The following HMGCLL1 variants were observed in gnomAD, a reference collection of about 807,000 sequenced individuals.
HMGCLL1 encodes the protein 3-hydroxy-3-methylglutaryl-CoA lyase like 1.
HMGCLL1 carries 36 observed loss-of-function variants against 39.1 expected under a neutral mutation model. The observed-to-expected ratio is 0.92, with a 90% CI of 0.71 to 1.22. The LOEUF is 1.22. HMGCLL1 is among the 50% of genes most tolerant of loss of function. The probability of loss-of-function intolerance (pLI) is 0.00; values close to 1 mark genes in which losing one functional copy is unlikely to be tolerated. For synonymous variants in HMGCLL1, 149 were observed against 144.0 expected, an observed-to-expected ratio of 1.03 and a Z score of -0.25; for missense variants, 451 against 416.5, an observed-to-expected ratio of 1.08 and a Z score of -0.72.
chr6:55,571,509 T>C (rs1423127782), intron 1 of HMGCLL1, among the ~76,000 whole-genome samples: 1 of 152,004 alleles, frequency 6.6e-6, no homozygotes, highest in East Asian at 1.9e-4. Flanking sequence ...AGGATAAACA[T>C]AGTAATAGAT....
intron 7 of HMGCLL1, among the ~76,000 whole-genome samples, chr6:55,453,323 C>A (rs1295047958): frequency 2.0e-5 from 3 of 152,166 alleles, no homozygotes; most frequent in Non-Finnish European, 4.4e-5. Flanking sequence ...GGACTACAGG[C>A]GCCCGCCACC....
chr6:55,513,861 T>A (rs1767593642), intron 5 of HMGCLL1, 187 bp downstream of exon 5: 1 of 559,562 alleles, frequency 1.8e-6, no homozygotes, highest in African/African-American at 2.0e-5. Flanking sequence ...ACAAGCTAGA[T>A]ACTCACTAAT....
At chr6:55,457,860 A>G (rs1244535808) in intron 7 of HMGCLL1, among the ~76,000 whole-genome samples, 1 of 152,114 alleles carries the variant, frequency 6.6e-6, no homozygotes, top group Non-Finnish European at 1.5e-5. Flanking sequence ...TGGACCAGAA[A>G]TTGAAGCCAG....
chr6:55,627,889 A>AC, the HMGCLL1 span, among the ~76,000 whole-genome samples: 1 of 31,014 alleles, frequency 3.2e-5, no homozygotes, highest in Non-Finnish European at 6.2e-5. Context: ...CCTTATATAT[A>AC]TATATATATA....
the HMGCLL1 span, among the ~76,000 whole-genome samples, chr6:55,675,237 G>C: frequency 2.6e-5 from 4 of 152,106 alleles, no homozygotes; most frequent in Admixed American, 2.6e-4. Flanking sequence ...TTTTATCTTT[G>C]TATACAGGCA....
At chr6:55,539,421 A>G (rs1769219018) in intron 3 of HMGCLL1, among the ~76,000 whole-genome samples, 1 of 152,168 alleles carries the variant, frequency 6.6e-6, no homozygotes, top group Non-Finnish European at 1.5e-5. Context: ...TCACAACAGT[A>G]AAGACGTGTA....
intron 7 of HMGCLL1, among the ~76,000 whole-genome samples, chr6:55,465,395 T>C (rs1170561029): frequency 6.6e-6 from 1 of 152,084 alleles, no homozygotes; most frequent in Admixed American, 6.6e-5. Context: ...AGAATACATA[T>C]TATAGATAAT....
intron 7 of HMGCLL1, among the ~76,000 whole-genome samples, chr6:55,462,758 T>A (rs1223849262): frequency 6.6e-6 from 1 of 152,164 alleles, no homozygotes; most frequent in Admixed American, 6.6e-5. Context: ...AAACTTCTTA[T>A]GTTGTAGGTA....
At chr6:55,657,461 A>C in the HMGCLL1 span, among the ~76,000 whole-genome samples, 1 of 151,910 alleles carries the variant, frequency 6.6e-6, no homozygotes, top group Non-Finnish European at 1.5e-5. Flanking sequence ...TCCTTTCTCC[A>C]TTGCTTGTTT....
chr6:55,453,380 C>T (rs1379477959), intron 7 of HMGCLL1, among the ~76,000 whole-genome samples: 2 of 152,070 alleles, frequency 1.3e-5, no homozygotes, highest in East Asian at 1.9e-4. Flanking sequence ...GGGGTTTCAC[C>T]GCGTTAGCCA....
At chr6:55,669,209 G>A in the HMGCLL1 span, among the ~76,000 whole-genome samples, 1 of 151,588 alleles carries the variant, frequency 6.6e-6, no homozygotes, top group East Asian at 2.0e-4. Context: ...CAAAAGTTTC[G>A]CCAACTGAAT....
At chr6:55,622,349 A>G in the HMGCLL1 span, among the ~76,000 whole-genome samples, 3 of 151,998 alleles carry the variant, frequency 2.0e-5, no homozygotes, top group African/African-American at 7.2e-5. Context: ...TGTGTTCCAG[A>G]TCTTAGAGGA....
At chr6:55,505,129 G>C (rs1286333847) in intron 5 of HMGCLL1, among the ~76,000 whole-genome samples, 8 of 151,598 alleles carry the variant, frequency 5.3e-5, no homozygotes, top group Non-Finnish European at 1.2e-4. Context: ...AAGACGTGAA[G>C]TGTTTCAGTC....
At chr6:55,540,518 A>G (rs372659767) in intron 3 of HMGCLL1, among the ~76,000 whole-genome samples, 73 of 152,164 alleles carry the variant, frequency 4.8e-4, no homozygotes, top group African/African-American at 1.5e-3. Flanking sequence ...GCAAATAAGG[A>G]AGTGGGTGTT....
chr6:55,517,156 T>C (rs1446893135), intron 3 of HMGCLL1, among the ~76,000 whole-genome samples: 1 of 152,092 alleles, frequency 6.6e-6, no homozygotes, highest in Non-Finnish European at 1.5e-5. Context: ...TATCATAGTA[T>C]TACCACGTTT....
chr6:55,528,678 C>T (rs1218522600), intron 3 of HMGCLL1, among the ~76,000 whole-genome samples: 1 of 151,154 alleles, frequency 6.6e-6, no homozygotes, highest in Non-Finnish European at 1.5e-5. Context: ...TCTTGGCTGC[C>T]AAAGCTAAAA....
At chr6:55,642,539 A>C in the HMGCLL1 span, among the ~76,000 whole-genome samples, 1 of 152,148 alleles carries the variant, frequency 6.6e-6, no homozygotes, top group African/African-American at 2.4e-5. Context: ...GCAATGCTTA[A>C]TAATCACATC....
chr6:55,665,077 T>C, the HMGCLL1 span, among the ~76,000 whole-genome samples: 3 of 151,730 alleles, frequency 2.0e-5, no homozygotes, highest in Non-Finnish European at 4.4e-5. Context: ...AGGAGGAGTT[T>C]ATGCAAGAGT....
chr6:55,639,312 C>A, the HMGCLL1 span, among the ~76,000 whole-genome samples: 1 of 151,388 alleles, frequency 6.6e-6, no homozygotes, highest in African/African-American at 2.4e-5. Context: ...ATTTAGTGAG[C>A]ACTTATTATG....
Sources: gnomAD v4.1 joint callset for allele counts (sites outside exome capture counted in the v4.1 genomes callset) on GRCh38, gnomAD v4.1.1 for gene constraint, MANE v1.5 for transcripts, NCBI Gene and HGNC (gene_info 2026-07-23, HGNC 2026-07-21) for gene names.